The following BRINP2 variants were observed in gnomAD, a reference collection of about 807,000 sequenced individuals.
BRINP2 encodes BMP/retinoic acid inducible neural specific 2.
BRINP2 carries 21 observed loss-of-function variants against 69.2 expected under a neutral mutation model. The ratio of observed to expected loss-of-function variants is 0.30; its 90% CI spans 0.22 to 0.44. The LOEUF (loss-of-function observed/expected upper bound fraction) is 0.44. BRINP2 is among the 20% of genes least tolerant of loss of function. The pLI is 1.00. For synonymous variants in BRINP2, 380 were observed against 394.1 expected, an observed-to-expected ratio of 0.96 and a Z score of 0.42; for missense variants, 877 against 986.0, an observed-to-expected ratio of 0.89 and a Z score of 1.48.
intron 1 of BRINP2, among the ~76,000 whole-genome samples, chr1:177,187,754 G>A (rs1012706059): frequency 6.6e-5 from 10 of 152,194 alleles, no homozygotes; most frequent in African/African-American, 2.4e-4. Context: ...AGGACTATGA[G>A]CTCTCAAAAC....
intron 4 of BRINP2, among the ~76,000 whole-genome samples, chr1:177,261,688 T>C (rs995517552): frequency 2.6e-5 from 4 of 152,154 alleles, no homozygotes; most frequent in African/African-American, 9.7e-5. Flanking sequence ...TATATACACA[T>C]GTGTAGTGGG....
intron 4 of BRINP2, among the ~76,000 whole-genome samples, chr1:177,268,632 C>G (rs540200906): frequency 2.6e-5 from 4 of 152,192 alleles, no homozygotes; most frequent in African/African-American, 7.2e-5. Context: ...TTGGCACACA[C>G]CTCTATTGCA....
chr1:177,203,980 G>C (rs1648996098), intron 1 of BRINP2, among the ~76,000 whole-genome samples: 1 of 152,158 alleles, frequency 6.6e-6, no homozygotes, highest in Admixed American at 6.6e-5. Context: ...GAGATAAGGG[G>C]ACAGACCCCG....
chr1:177,218,530 A>C (rs545330119), intron 1 of BRINP2, among the ~76,000 whole-genome samples: 1 of 152,038 alleles, frequency 6.6e-6, no homozygotes, highest in African/African-American at 2.4e-5. Context: ...CCACCTCCTG[A>C]CTTTGTTTTT....
intron 2 of BRINP2, among the ~76,000 whole-genome samples, chr1:177,243,760 G>C (rs1403258570): frequency 6.6e-6 from 1 of 152,170 alleles, no homozygotes; most frequent in Non-Finnish European, 1.5e-5. Context: ...ATTTATGAGA[G>C]ACATAAAAGG....
chr1:177,238,004 T>C (rs929658560), intron 2 of BRINP2, among the ~76,000 whole-genome samples: 14 of 152,144 alleles, frequency 9.2e-5, no homozygotes, highest in African/African-American at 3.4e-4. Context: ...AGAAAAGCAT[T>C]TCAGTATATG....
chr1:177,223,458 T>C (rs900541200), intron 1 of BRINP2, among the ~76,000 whole-genome samples: 2 of 152,154 alleles, frequency 1.3e-5, no homozygotes, highest in Non-Finnish European at 2.9e-5. Flanking sequence ...TTTACTCCCA[T>C]CCCTTGGGAC....
chr1:177,259,076 C>G (rs549707702), intron 4 of BRINP2, among the ~76,000 whole-genome samples: 2 of 152,166 alleles, frequency 1.3e-5, no homozygotes, highest in South Asian at 4.1e-4. Context: ...AGGCCGCTTG[C>G]AACAAACAGT....
At chr1:177,194,026 A>G (rs1648668412) in intron 1 of BRINP2, among the ~76,000 whole-genome samples, 1 of 152,234 alleles carries the variant, frequency 6.6e-6, no homozygotes, top group Non-Finnish European at 1.5e-5. Context: ...CTGAACTTTT[A>G]CATAGTATTG....
intron 1 of BRINP2, among the ~76,000 whole-genome samples, chr1:177,204,293 C>T (rs1649004730): frequency 6.6e-6 from 1 of 151,944 alleles, no homozygotes; most frequent in South Asian, 2.1e-4. Flanking sequence ...CAGGAGAGGG[C>T]CTAGGGTGGA....
intron 1 of BRINP2, among the ~76,000 whole-genome samples, chr1:177,187,765 C>T (rs1648471712): frequency 6.6e-6 from 1 of 152,132 alleles, no homozygotes. Context: ...CTCTCAAAAC[C>T]AGGTAGGCCA....
At chr1:177,266,253 C>T (rs563245935) in intron 4 of BRINP2, among the ~76,000 whole-genome samples, 1 of 152,132 alleles carries the variant, frequency 6.6e-6, no homozygotes, top group Non-Finnish European at 1.5e-5. Context: ...TCATTTTTAA[C>T]AAGTCCTTTG....
chr1:177,244,312 C>T (rs138998924), intron 2 of BRINP2, among the ~76,000 whole-genome samples: 1 of 152,300 alleles, frequency 6.6e-6, no homozygotes, highest in Non-Finnish European at 1.5e-5. Context: ...GCATACACTG[C>T]CTTCACGTCT....
At chr1:177,233,747 T>C (rs781721153) in intron 2 of BRINP2, among the ~76,000 whole-genome samples, 17 of 152,196 alleles carry the variant, frequency 1.1e-4, no homozygotes, top group Non-Finnish European at 2.2e-4. Context: ...GTTTCCAGCA[T>C]ATGTTAAAGT....
intron 4 of BRINP2, among the ~76,000 whole-genome samples, chr1:177,263,558 A>G (rs760657853): frequency 2.0e-5 from 3 of 152,216 alleles, no homozygotes; most frequent in African/African-American, 7.2e-5. Flanking sequence ...AGGGTCAGCT[A>G]TATCGTGGTT....
At chr1:177,240,293 G>A (rs755395485) in intron 2 of BRINP2, among the ~76,000 whole-genome samples, 4 of 152,084 alleles carry the variant, frequency 2.6e-5, no homozygotes, top group Non-Finnish European at 4.4e-5. Context: ...TAGTAACAGC[G>A]GTAAACTTTA....
At chr1:177,186,668 A>G (rs1464504997) in intron 1 of BRINP2, among the ~76,000 whole-genome samples, 1 of 152,116 alleles carries the variant, frequency 6.6e-6, no homozygotes, top group Non-Finnish European at 1.5e-5. Flanking sequence ...CTCTTCCAAA[A>G]TGCATGTGGG....
In BRINP2 at chr1:177,211,779, A is replaced by AT. The variant is rs567435637; in HGVS notation, c.-76-18014dup. Among the ~76,000 whole-genome samples the AT allele has an allele frequency of 2.6e-4, 39 of 151,900 alleles. 1 individual carries two copies. Among genetic ancestry groups the AT allele is most frequent in the Middle Eastern group, 3.4e-3 (1 of 294 alleles). ...TGTCATGTTTGTCCACAGTAAAGTT[A>AT]TTTTTTTTCTCTGTATAAGTGTTTT... On this transcript the variant is annotated intron_variant, in intron 1 of 7. Transcript: ENST00000361539.
At chr1:177,248,805 C>T (rs1650482466) in intron 2 of BRINP2, among the ~76,000 whole-genome samples, 1 of 152,146 alleles carries the variant, frequency 6.6e-6, no homozygotes, top group African/African-American at 2.4e-5. Context: ...TAGCTTGAGT[C>T]GGAGGCAGCA....
Sources: allele counts gnomAD v4.1 joint callset (sites outside exome capture counted in the v4.1 genomes callset), GRCh38; gene constraint gnomAD v4.1.1; transcripts MANE v1.5; gene names NCBI Gene and HGNC (gene_info 2026-07-23, HGNC 2026-07-21).